The following SLC8A1 variants were observed in gnomAD, a reference collection of about 807,000 sequenced individuals.
The protein encoded by SLC8A1 is sodium/calcium exchanger 1.
In SLC8A1, 18 loss-of-function variants were observed where a neutral mutation model predicts 68.3. The observed-to-expected ratio is 0.26, with a 90% CI of 0.18 to 0.39. The LOEUF (loss-of-function observed/expected upper bound fraction) is 0.39, where lower values mean the gene tolerates loss of function less well. Among genes scored for constraint, SLC8A1 ranks in the 10% least tolerant of loss-of-function variants. The pLI, the probability that SLC8A1 is intolerant of heterozygous loss-of-function variation, is 1.00. For missense variants in SLC8A1, 985 were observed against 1,156.7 expected (o/e 0.85, Z 2.15); for synonymous variants, 475 against 415.5 (o/e 1.14, Z -1.74).
chr2:40,420,554 C>T (rs372156438), intron 2 of SLC8A1, among the ~76,000 whole-genome samples: 18 of 152,210 alleles, frequency 1.2e-4, no homozygotes, highest in African/African-American at 3.9e-4. Context: ...AAAGCCAAAA[C>T]CAACAATAAC....
At chr2:40,432,401 T>TTGTGTGTGTGTGTG (rs112824729) in intron 1 of SLC8A1, among the ~76,000 whole-genome samples, 5,363 of 128,732 alleles carry the variant, frequency 0.042, 191 homozygotes, top group Non-Finnish European at 0.058. Flanking sequence ...GAGTGTGAGA[T>TTGTGTGTGTGTGTG]TGTGTGTGTG....
intron 2 of SLC8A1, among the ~76,000 whole-genome samples, chr2:40,269,701 G>T (rs576120009): frequency 6.6e-6 from 1 of 152,256 alleles, no homozygotes; most frequent in East Asian, 1.9e-4. Flanking sequence ...ACCACACAGA[G>T]GTGGTCACTG....
intron 1 of SLC8A1, among the ~76,000 whole-genome samples, chr2:40,443,144 A>T (rs1403499258): frequency 1.3e-5 from 2 of 152,130 alleles, no homozygotes; most frequent in African/African-American, 4.8e-5. Context: ...TAGGACAAAT[A>T]CCTAACGCAT....
exon 8 of SLC8A1, chr2:40,104,380 C>T (rs930880548): frequency 6.6e-6 from 1 of 152,208 alleles, no homozygotes; most frequent in Non-Finnish European, 1.5e-5. Context: ...GAATAAAAGA[C>T]CCTATATCAA....
Position 40,438,293 on chromosome 2 carries a change from T to A in SLC8A1, c.-24-7989A>T, listed in dbSNP as rs145415712. 4.8e-3 allele frequency among the ~76,000 whole-genome samples: 729 copies of A among 152,262 alleles called. 9 individuals carry two copies. The highest frequency in any genetic ancestry group is 0.016 in the African/African-American group (653 of 41,568). The stretch of plus-strand genomic sequence containing the variant: ...AACACTGAAAAAGAATGAGGTCATA[T>A]ACATGCTTTTATATCTAGGTCACCA... On this transcript the variant is annotated intron_variant, in intron 1 of 7. Coordinates refer to ENST00000406785, the Ensembl canonical transcript of SLC8A1.
chr2:40,189,499 T>G (rs984408105), intron 2 of SLC8A1, among the ~76,000 whole-genome samples: 1 of 152,062 alleles, frequency 6.6e-6, no homozygotes, highest in African/African-American at 2.4e-5. Flanking sequence ...TTTTGTATTT[T>G]TAGTAGAGAC....
intron 7 of SLC8A1, among the ~76,000 whole-genome samples, chr2:40,125,599 C>A (rs968234874): frequency 6.6e-6 from 1 of 152,148 alleles, no homozygotes. Context: ...GTTTTAGTGA[C>A]TTCAACCCAC....
intron 2 of SLC8A1, among the ~76,000 whole-genome samples, chr2:40,205,398 G>T (rs2055209197): frequency 6.6e-6 from 1 of 152,034 alleles, no homozygotes; most frequent in Admixed American, 6.6e-5. Context: ...GTGACAGCTT[G>T]AGTTTGAAAG....
chr2:40,210,718 T>C (rs1404023160), intron 2 of SLC8A1, among the ~76,000 whole-genome samples: 5 of 152,188 alleles, frequency 3.3e-5, no homozygotes, highest in African/African-American at 9.6e-5. Context: ...GAAGCACTTA[T>C]TGTCATTTCT....
At chr2:40,328,513 G>T (rs2076081452) in intron 2 of SLC8A1, among the ~76,000 whole-genome samples, 1 of 152,014 alleles carries the variant, frequency 6.6e-6, no homozygotes, top group South Asian at 2.1e-4. Flanking sequence ...TGATGACTTA[G>T]CTCTTGTCAT....
chr2:40,380,447 T>C (rs1307166471), intron 2 of SLC8A1, among the ~76,000 whole-genome samples: 1 of 152,178 alleles, frequency 6.6e-6, no homozygotes, highest in Non-Finnish European at 1.5e-5. Context: ...CAAGGAACTT[T>C]CACTAGAAAA....
chr2:40,399,398 G>A (rs150555881), intron 2 of SLC8A1, among the ~76,000 whole-genome samples: 42 of 151,870 alleles, frequency 2.8e-4, no homozygotes, highest in Non-Finnish European at 5.2e-4. Flanking sequence ...GAAACAACAC[G>A]CCAGGTAGAT....
At chr2:40,367,677 T>C (rs1025251015) in intron 2 of SLC8A1, among the ~76,000 whole-genome samples, 1 of 152,036 alleles carries the variant, frequency 6.6e-6, no homozygotes, top group Non-Finnish European at 1.5e-5. Context: ...CAATGAAATC[T>C]GAACATGTGG....
At chr2:40,315,363 A>G (rs1435954982) in intron 2 of SLC8A1, among the ~76,000 whole-genome samples, 1 of 151,706 alleles carries the variant, frequency 6.6e-6, no homozygotes, top group Non-Finnish European at 1.5e-5. Context: ...AGAAAAATGG[A>G]AGGTTAGTCA....
At chr2:40,505,034 T>G (rs80174449) in intron 1 of SLC8A1, among the ~76,000 whole-genome samples, 2,971 of 152,046 alleles carry the variant, frequency 0.02, 92 homozygotes, top group African/African-American at 0.067. Context: ...CTGCTTATAA[T>G]ACCTAAGATT....
chr2:40,160,716 G>T, intron 6 of SLC8A1, 49 bp downstream of exon 9: 2 of 1,536,144 alleles, frequency 1.3e-6, no homozygotes, highest in Non-Finnish European at 1.8e-6. Flanking sequence ...GGAAAACTCA[G>T]CTCAGATTGG....
In SLC8A1 at chr2:40,489,847, G is replaced by A. The variant is rs556433361; in HGVS notation, c.-25+22502C>T. ...CCACAGGAACAATCCCCAAACTTTA[G>A]CCAATAAAACACTTTTCTAAATCCC... is the stretch of plus-strand genomic sequence containing the variant. On this transcript the variant is annotated intron_variant, in intron 1 of 7. Transcript: ENST00000402441. 9.9e-5 allele frequency among the ~76,000 whole-genome samples: 15 copies of A among 152,006 alleles called. No individual in the cohort carries two copies. In the South Asian group the frequency reaches 2.3e-3, roughly 23 times the overall value.
intron 1 of SLC8A1, among the ~76,000 whole-genome samples, chr2:40,506,331 G>T (rs1706367382): frequency 1.3e-5 from 2 of 151,778 alleles, no homozygotes; most frequent in South Asian, 4.2e-4. Context: ...GGATTATTGA[G>T]AAGAAAAAAC....
At chr2:40,313,455 G>A (rs1460016327) in intron 2 of SLC8A1, among the ~76,000 whole-genome samples, 4 of 151,882 alleles carry the variant, frequency 2.6e-5, no homozygotes, top group African/African-American at 9.7e-5. Flanking sequence ...TATATGATAA[G>A]TGTATGTTTA....
Sources: allele counts gnomAD v4.1 joint callset (sites outside exome capture counted in the v4.1 genomes callset), GRCh38; gene constraint gnomAD v4.1.1; transcripts MANE v1.5; gene names NCBI Gene and HGNC (gene_info 2026-07-23, HGNC 2026-07-21).